The following MGAM2 variants were observed in gnomAD, a reference collection of about 807,000 sequenced individuals.
The protein encoded by MGAM2 is probable maltase-glucoamylase 2.
Under a neutral mutation model 96.1 loss-of-function variants are expected in MGAM2, and 98 were observed. The ratio of observed to expected loss-of-function variants is 1.02; its 90% CI spans 0.87 to 1.21. The LOEUF (loss-of-function observed/expected upper bound fraction) is 1.21, where lower values mean the gene tolerates loss of function less well. MGAM2 is among the 50% of genes most tolerant of loss of function. The pLI is 0.00. For synonymous variants in MGAM2, 749 were observed against 414.8 expected (o/e 1.81, Z -9.79); for missense variants, 2,055 against 1,182.4 (o/e 1.74, Z -10.82).
Position 142,197,459 on chromosome 7 carries a change from G to C in MGAM2, c.4692G>C (p.Glu1564Asp). 1 of 702,950 alleles carries C rather than the reference G, an allele frequency of 1.4e-6. No individual in the cohort carries two copies. Among genetic ancestry groups the C allele is most frequent in the Non-Finnish European group, 2.6e-6 (1 of 385,002 alleles). The allele number at this position is 702,950 out of a possible 1,614,324, so 43.5% of individuals were successfully genotyped here. Residue 1564 changes from glutamate (E) to aspartate (D), a missense_variant, in exon 41 of 48, where the codon GAG (glutamate) becomes GAC (aspartate). Physicochemically the swap from Glu to Asp is conservative, Grantham distance 45 (BLOSUM62 2). Coordinates refer to ENST00000477922, the MANE Select transcript of MGAM2 (RefSeq NM_001293626.2). The part of the protein sequence containing the change: ...TFEMLSRKVL[E>D]TRYTLLPYLY... ...AGATGTTGTCCAGAAAAGTCCTAGA[G>C]ACCAGATATACCCTGCTTCCTTATC...
At chr7:142,205,820 C>T (rs898410898) in intron 45 of MGAM2, among the ~76,000 whole-genome samples, 10 of 152,012 alleles carry the variant, frequency 6.6e-5, no homozygotes, top group Middle Eastern at 3.4e-3. Flanking sequence ...TTTTTCTATT[C>T]GTTTAATGTG....
At chr7:142,114,947 T>C (rs545344319) in intron 1 of MGAM2, among the ~76,000 whole-genome samples, 2 of 152,290 alleles carry the variant, frequency 1.3e-5, no homozygotes, top group South Asian at 4.2e-4. Context: ...ACAGGCACGG[T>C]GGCTCATGCT....
chr7:142,158,796 A>C (rs1795809598), intron 19 of MGAM2, among the ~76,000 whole-genome samples: 1 of 152,200 alleles, frequency 6.6e-6, no homozygotes, highest in South Asian at 2.1e-4. Context: ...GTATCCTATT[A>C]AGTGTGATTG....
At position 142,196,802 on chromosome 7, in the gene MGAM2, A is replaced by T. The variant is rs59309619; in HGVS notation, c.4618A>T (p.Asn1540Tyr). The change falls in exon 40 of 48, where the codon AAC becomes TAC. Residue 1540 changes from asparagine to tyrosine, a missense_variant. Physicochemically the swap from Asn to Tyr is moderately radical, Grantham distance 143. Coordinates refer to ENST00000477922, the MANE Select transcript of MGAM2 (RefSeq NM_001293626.2). ...TTATCCATTTTCCAGAAACCACAAC[A>T]ACATCGGGACAAGGGTGAGGCAGTA... is the stretch of plus-strand genomic sequence containing the variant. ...AFYPFSRNHN[N>Y]IGTRRQDPVA... 19 of 780,972 alleles carry T rather than the reference A, an allele frequency of 2.4e-5. No homozygotes were observed. The highest frequency in any genetic ancestry group is 4.5e-5 in the Non-Finnish European group (19 of 419,112). The allele number at this position is 780,972 out of a possible 1,614,324, so 48.4% of individuals were successfully genotyped here.
chr7:142,221,753 C>T lies in MGAM2; in HGVS notation c.7242C>T (p.Gly2414=), dbSNP rs1221260569. 4.9e-6 allele frequency: 2 copies of T among 407,596 alleles called. No individual in the cohort carries two copies. Among genetic ancestry groups the T allele is most frequent in the Non-Finnish European group, 4.3e-6 (1 of 230,714 alleles). The allele number at this position is 407,596 out of a possible 1,614,324, so 25.2% of individuals were successfully genotyped here. A position where few individuals can be genotyped will look rare whatever the true frequency, so the allele number is the denominator to read the frequency against. Residue 2414 remains glycine (G), a synonymous_variant, in exon 48 of 48, where the codon GGC becomes GGT. Transcript: ENST00000477922. ...SLAPTNLSNL[G]TMDITDADNS... is the part of the protein sequence containing the mutation. ...CTCCTACAAATCTTTCTAATCTAGG[C>T]ACCATGGATATTACTGATGCAGATA...
chr7:142,174,909 G>T (rs1796323663), intron 31 of MGAM2, among the ~76,000 whole-genome samples: 1 of 151,770 alleles, frequency 6.6e-6, no homozygotes, highest in Non-Finnish European at 1.5e-5. Context: ...AGTAGGGACG[G>T]GGTTTCACTG....
intron 46 of MGAM2, among the ~76,000 whole-genome samples, chr7:142,215,803 A>C (rs1282097808): frequency 1.3e-5 from 2 of 152,032 alleles, no homozygotes; most frequent in East Asian, 3.8e-4. Flanking sequence ...TATATTGAAA[A>C]ATGTTGTAAT....
At chr7:142,218,223 A>G (rs1415821272) in intron 46 of MGAM2, 138 bp from the exon 47 acceptor site, 1 of 479,964 alleles carries the variant, frequency 2.1e-6, no homozygotes, top group Non-Finnish European at 3.6e-6. Flanking sequence ...ATTATGTATC[A>G]ATAAAAATTT....
intron 46 of MGAM2, among the ~76,000 whole-genome samples, chr7:142,216,341 T>C (rs1797759712): frequency 6.6e-6 from 1 of 152,248 alleles, no homozygotes; most frequent in Non-Finnish European, 1.5e-5. Flanking sequence ...GAGACACTGT[T>C]TAATCTGTGT....
At chr7:142,206,856 C>T (rs781251221) in intron 45 of MGAM2, among the ~76,000 whole-genome samples, 3 of 152,212 alleles carry the variant, frequency 2.0e-5, no homozygotes, top group African/African-American at 4.8e-5. Flanking sequence ...CTTTTCCTCA[C>T]ATAGGTGATA....
chr7:142,179,348 T>A (rs1043151692), intron 32 of MGAM2, among the ~76,000 whole-genome samples: 12 of 152,152 alleles, frequency 7.9e-5, no homozygotes, highest in Non-Finnish European at 1.3e-4. Context: ...TGCATTTAAT[T>A]TTTTTCTCTT....
chr7:142,150,340 C>A (rs1477302275), intron 15 of MGAM2, among the ~76,000 whole-genome samples: 1 of 152,128 alleles, frequency 6.6e-6, no homozygotes. Flanking sequence ...CCTTTTGTGC[C>A]CTCACATACG....
chr7:142,186,200 A>T (rs998427633), intron 35 of MGAM2, 77 bp downstream of exon 35: 4 of 674,480 alleles, frequency 5.9e-6, no homozygotes, highest in African/African-American at 5.4e-5. Flanking sequence ...AGAGACTAGC[A>T]AAGCAGAGAC....
intron 7 of MGAM2, among the ~76,000 whole-genome samples, chr7:142,134,852 TA>T (rs890361383): frequency 4.1e-4 from 62 of 150,404 alleles, no homozygotes; most frequent in African/African-American, 1.4e-3. Context: ...AAAAATGAAA[TA>T]AAAAAACTCA....
chr7:142,221,938 C>T lies in MGAM2; in HGVS notation c.7427C>T (p.Thr2476Ile). The T allele has an allele frequency of 2.5e-6, 1 of 399,708 alleles. No individual in the cohort carries two copies. Among genetic ancestry groups the T allele is most frequent in the Non-Finnish European group, 4.4e-6 (1 of 226,844 alleles). The allele number at this position is 399,708 out of a possible 1,614,324, so 24.8% of individuals were successfully genotyped here. The change falls in exon 48 of 48, where the codon ACA (threonine) becomes ATA (isoleucine). Residue 2476 changes from threonine to isoleucine, a missense_variant. By Grantham distance (89) the Thr-to-Ile change is moderately conservative. Coordinates refer to ENST00000477922, the MANE Select transcript of MGAM2 (RefSeq NM_001293626.2). ...CCTATTACTGCAACTAGTGCTACCA[C>T]AGATACTACAAATATTACAAAATAT... ...YLPITATSAT[T>I]DTTNITKYAL... is the part of the protein sequence containing the mutation.
At chr7:142,202,641 C>T (rs543453319) in intron 45 of MGAM2, among the ~76,000 whole-genome samples, 1 of 152,290 alleles carries the variant, frequency 6.6e-6, no homozygotes, top group East Asian at 1.9e-4. Flanking sequence ...CTGCATAGGA[C>T]ATGATTTCAT....
chr7:142,167,383 C>T lies in MGAM2; in HGVS notation c.2924C>T (p.Ala975Val), dbSNP rs1171260894. ...SITADLSLPM[A>V]PESAAAAASD... ...ACTGCAGACCTTTCCCTCCCGATGG[C>T]CCCTGAGTCAGCTGCTGCTGCCGCC... The change falls in exon 26 of 48, where the codon GCC becomes GTC. Residue 975 changes from alanine (A) to valine (V), a missense_variant. By Grantham distance (64) the Ala-to-Val change is moderately conservative. Coordinates refer to ENST00000477922, the MANE Select transcript of MGAM2 (RefSeq NM_001293626.2). 9 of 702,862 alleles carry T rather than the reference C, an allele frequency of 1.3e-5. No homozygotes were observed. The highest frequency in any genetic ancestry group is 2.3e-5 in the Non-Finnish European group (9 of 385,012). The allele number at this position is 702,862 out of a possible 1,614,324, so 43.5% of individuals were successfully genotyped here.
In MGAM2 at chr7:142,185,993, A is replaced by C; in HGVS notation, c.3992A>C (p.Tyr1331Ser). The C allele has an allele frequency of 1.4e-6, 1 of 703,292 alleles. No individual in the cohort carries two copies. 43.6% of individuals were successfully genotyped at this position (703,292 alleles called of 1,614,324 possible). A position where few individuals can be genotyped will look rare whatever the true frequency, so the allele number is the denominator to read the frequency against. ...SLDHETQVKL[Y>S]RAYVAFPDFF... ...GAGTGTGTGTTATTCTTACAGCTTT[A>C]CAGGGCCTACGTTGCCTTTCCTGAC... The change falls in exon 35 of 48, where the codon TAC becomes TCC. Residue 1331 changes from tyrosine (Y) to serine (S), a missense_variant. Physicochemically the swap from Tyr to Ser is moderately radical, Grantham distance 144. Transcript: ENST00000477922.
intron 32 of MGAM2, among the ~76,000 whole-genome samples, chr7:142,180,292 A>T (rs12669603): frequency 0.19 from 28,735 of 152,032 alleles, 2,994 homozygotes; most frequent in East Asian, 0.34. Context: ...ATCCTTTCAA[A>T]AAAACAGCTT....
Sources: gnomAD v4.1 joint callset for allele counts (sites outside exome capture counted in the v4.1 genomes callset) on GRCh38, gnomAD v4.1.1 for gene constraint, MANE v1.5 for transcripts, NCBI Gene and HGNC (gene_info 2026-07-23, HGNC 2026-07-21) for gene names.